Variants in CENPK observed in about 807,000 individuals in gnomAD.
CENPK encodes the protein centromere protein K, also known as SoxLZ/Sox6-binding protein Solt.
In CENPK, 46 loss-of-function variants were observed where a neutral mutation model predicts 40.9. The observed-to-expected ratio is 1.13, with a 90% confidence interval of 0.89 to 1.44. CENPK has a LOEUF of 1.44. Ranked by LOEUF, CENPK falls within the 40% of genes most tolerant of loss-of-function variation. The probability of loss-of-function intolerance (pLI) is 0.00; values close to 1 mark genes in which losing one functional copy is unlikely to be tolerated. For synonymous variants in CENPK, 107 were observed against 104.4 expected, an observed-to-expected ratio of 1.02 and a Z score of -0.15; for missense variants, 288 against 303.5, an observed-to-expected ratio of 0.95 and a Z score of 0.38.
intron 9 of CENPK, among the ~76,000 whole-genome samples, chr5:65,523,080 T>C (rs567996257): frequency 6.6e-6 from 1 of 152,376 alleles, no homozygotes; most frequent in East Asian, 1.9e-4. Flanking sequence ...ATTCTGTACA[T>C]ATGTAAATAC....
In CENPK at chr5:65,544,431, T is replaced by A. The variant is rs147164684; in HGVS notation, c.242-1583A>T. ...TGAGAAACTGAAACCATGTGCACTG[T>A]CGGTGGGATTGAAATATGGTGTGAC... On this transcript the variant is annotated intron_variant, in intron 5 of 10. Coordinates refer to ENST00000396679, the MANE Select transcript of CENPK (RefSeq NM_022145.5). Among the ~76,000 whole-genome samples, 348 of 152,278 alleles carry A rather than the reference T, an allele frequency of 2.3e-3. 4 individuals carry two copies. The highest frequency in any genetic ancestry group is 3.1e-3 in the South Asian group (15 of 4,826).
rs533198780 is a variant in CENPK, at chr5:65,557,866, TA to T, written c.-39-2921del. On this transcript the variant is annotated intron_variant, in intron 2 of 10. Transcript: ENST00000396679. Reference sequence around the variant, plus strand: ...AGTAGTTTTAGAAGAATGGCAAGAATAAAAATCTGATTGGAGTGGATTCAAG... The same window carrying T: ...AGTAGTTTTAGAAGAATGGCAAGAATAAAATCTGATTGGAGTGGATTCAAG... 4.7e-4 allele frequency among the ~76,000 whole-genome samples: 72 copies of T among 152,290 alleles called. 4 individuals carry two copies. In the East Asian group the frequency reaches 0.013, roughly 28 times the overall value.
intron 2 of CENPK, among the ~76,000 whole-genome samples, chr5:65,559,243 G>A (rs998014331): frequency 6.6e-6 from 1 of 152,180 alleles, no homozygotes; most frequent in East Asian, 1.9e-4. Flanking sequence ...TTGTAAAGAC[G>A]TTAATTCTCC....
At position 65,563,131 on chromosome 5, in the gene CENPK, C is replaced by G; in HGVS notation, c.-175G>C. The G allele has an allele frequency of 4.0e-6, 3 of 740,958 alleles. No homozygotes were observed. The highest frequency in any genetic ancestry group is 6.4e-6 in the Non-Finnish European group (3 of 470,826). The allele number at this position is 740,958 out of a possible 1,614,324, so 45.9% of individuals were successfully genotyped here. A position where few individuals can be genotyped will look rare whatever the true frequency, so the allele number is the denominator to read the frequency against. On this transcript the variant is annotated 5_prime_UTR_variant, in exon 1 of 11. Coordinates refer to ENST00000396679, the MANE Select transcript of CENPK (RefSeq NM_022145.5). ...CGTCACAAACTCCAGGTCGCCTAGG[C>G]GCTGCGCAGGAAGCGCTTGCCAGCC... is the stretch of plus-strand genomic sequence containing the variant.
Position 65,518,307 on chromosome 5 carries a change from G to A in CENPK, c.*168C>T. 1.6e-6 allele frequency: 1 copy of A among 615,526 alleles called. No homozygotes were observed. The highest frequency in any genetic ancestry group is 2.7e-6 in the Non-Finnish European group (1 of 363,972). 38.1% of individuals were successfully genotyped at this position (615,526 alleles called of 1,614,324 possible). ...CTAAAGCACTCACTGAATAAGAAAT[G>A]ACCATTTAAAAATGAATAATAGATG... On this transcript the variant is annotated 3_prime_UTR_variant, in exon 11 of 11. Coordinates refer to ENST00000396679, the MANE Select transcript of CENPK (RefSeq NM_022145.5).
At chr5:65,514,228 A>ATATT (rs199873665), downstream of CENPK, among the ~76,000 whole-genome samples, 4 of 61,644 alleles carry the variant, frequency 6.5e-5, no homozygotes, top group African/African-American at 2.0e-4. Flanking sequence ...GCCTCACATA[A>ATATT]TCTTTTTTTT....
chr5:65,520,608 A>G (rs1743557975), intron 10 of CENPK, among the ~76,000 whole-genome samples: 1 of 152,188 alleles, frequency 6.6e-6, no homozygotes, highest in East Asian at 1.9e-4. Context: ...CTAATTACGA[A>G]TCTAATAAAT....
chr5:65,523,931 TA>T (rs986597511), intron 9 of CENPK, among the ~76,000 whole-genome samples: 8 of 150,862 alleles, frequency 5.3e-5, no homozygotes, highest in African/African-American at 7.3e-5. Context: ...ACTTGAGATT[TA>T]AAAAAAAAAG....
chr5:65,531,137 C>T lies in CENPK; in HGVS notation c.289-1938G>A, dbSNP rs925347038. Among the ~76,000 whole-genome samples, 20 of 152,202 alleles carry T rather than the reference C, an allele frequency of 1.3e-4. No homozygotes were observed. In the East Asian group the frequency reaches 3.1e-3, roughly 24 times the overall value. On this transcript the variant is annotated intron_variant, in intron 6 of 10. Coordinates refer to ENST00000396679, the MANE Select transcript of CENPK (RefSeq NM_022145.5). ...TCAACACTGCACCCAGCCTGGGCAA[C>T]GGAGCAAGATCCTCTGCTCCCAACC...
chr5:65,527,407 T>C (rs1362939219), intron 9 of CENPK, among the ~76,000 whole-genome samples: 2 of 150,370 alleles, frequency 1.3e-5, no homozygotes, highest in African/African-American at 4.9e-5. Context: ...CAGACTTCAT[T>C]CCCTAGGGAG....
chr5:65,552,659 A>T, intron 3 of CENPK, 110 bp from the exon 4 acceptor site: 3 of 542,394 alleles, frequency 5.5e-6, no homozygotes, highest in Non-Finnish European at 9.6e-6. Flanking sequence ...AAGCACAAAC[A>T]TCTGATGGAG....
intron 5 of CENPK, among the ~76,000 whole-genome samples, chr5:65,550,182 A>T (rs199936157): frequency 0.4 from 59,767 of 148,926 alleles, 12,278 homozygotes; most frequent in East Asian, 0.65. Flanking sequence ...CTCAAAAAAA[A>T]AAAAAAAAAA....
At chr5:65,529,323 G>A in intron 6 of CENPK, 124 bp from the exon 7 acceptor site, 1 of 637,980 alleles carries the variant, frequency 1.6e-6, no homozygotes, top group Non-Finnish European at 2.7e-6. Flanking sequence ...AAAAAGCCTA[G>A]CAGAAAGCAT....
At chr5:65,501,262 T>C in the CENPK span, among the ~76,000 whole-genome samples, 1 of 134,412 alleles carries the variant, frequency 7.4e-6, no homozygotes, top group African/African-American at 2.7e-5. Context: ...CACTGCCACA[T>C]CCACCTCCCG....
chr5:65,525,652 C>G (rs548470663), intron 9 of CENPK, among the ~76,000 whole-genome samples: 1 of 152,214 alleles, frequency 6.6e-6, no homozygotes, highest in South Asian at 2.1e-4. Context: ...TGTGGAAGCC[C>G]TAATGTGACT....
intron 6 of CENPK, among the ~76,000 whole-genome samples, chr5:65,534,249 T>C (rs1746469774): frequency 6.6e-6 from 1 of 152,090 alleles, no homozygotes; most frequent in Non-Finnish European, 1.5e-5. Context: ...ACAAAGATGA[T>C]ACAGTGCTAA....
In CENPK at chr5:65,518,299, T is replaced by C; in HGVS notation, c.*176A>G. 1 of 597,900 alleles carries C rather than the reference T, an allele frequency of 1.7e-6. No individual in the cohort carries two copies. 37.0% of individuals were successfully genotyped at this position (597,900 alleles called of 1,614,324 possible). On this transcript the variant is annotated 3_prime_UTR_variant, in exon 11 of 11. Transcript: ENST00000396679. ...TTAAAACACTAAAGCACTCACTGAATAAGAAATGACCATTTAAAAATGAAT... is the reference window on the plus strand; with the variant it reads ...TTAAAACACTAAAGCACTCACTGAACAAGAAATGACCATTTAAAAATGAAT...
intron 7 of CENPK, 34 bp downstream of exon 7, chr5:65,529,083 T>G: frequency 3.9e-6 from 6 of 1,539,538 alleles, no homozygotes; most frequent in Non-Finnish European, 5.4e-6. Flanking sequence ...TTAATATATA[T>G]GAATGATTAA....
chr5:65,537,628 T>TC (rs1046144398), intron 6 of CENPK, among the ~76,000 whole-genome samples: 5 of 152,214 alleles, frequency 3.3e-5, no homozygotes, highest in African/African-American at 7.2e-5. Context: ...AAATAAATTA[T>TC]CCAGTCTGTG....
Sources: gnomAD v4.1 joint callset for allele counts (sites outside exome capture counted in the v4.1 genomes callset) on GRCh38, gnomAD v4.1.1 for gene constraint, MANE v1.5 for transcripts, NCBI Gene and HGNC (gene_info 2026-07-23, HGNC 2026-07-21) for gene names.